Variants in THUMPD3 observed in about 807,000 individuals in gnomAD.
THUMPD3 encodes THUMP domain 3 tRNA guanosine methyltransferase, also known as tRNA (guanine(6)-N(2))-methyltransferase THUMP3.
In THUMPD3, 44 loss-of-function variants were observed where a neutral mutation model predicts 54.5. The ratio of observed to expected loss-of-function variants is 0.81; its 90% CI spans 0.63 to 1.04. The LOEUF is 1.04. Among genes scored for constraint, THUMPD3 ranks in the 50% least tolerant of loss-of-function variants. The pLI is 0.00. For synonymous variants in THUMPD3, 196 were observed against 201.4 expected (o/e 0.97, Z 0.23); for missense variants, 604 against 601.3 (o/e 1.00, Z -0.05).
chr3:9,371,420 T>TG lies in THUMPD3; in HGVS notation c.692dup (p.Cys231TrpfsTer14). 1 of 1,614,168 alleles carries TG rather than the reference T, an allele frequency of 6.2e-7. No individual in the cohort carries two copies. The highest frequency in any genetic ancestry group is 8.5e-7 in the Non-Finnish European group (1 of 1,180,002). ...TCAAGTGCTGAAGTTTAGAGTCACATGCAACAGGGCAGGAGAGAAACATTG... is the reference window on the plus strand; with the variant it reads ...TCAAGTGCTGAAGTTTAGAGTCACATGGCAACAGGGCAGGAGAGAAACATTG... On this transcript the variant is annotated frameshift_variant, in exon 4 of 10. Transcript: ENST00000452837. LOFTEE classifies it high-confidence loss of function.
At chr3:9,365,782 G>A (rs2031513493) in intron 2 of THUMPD3, among the ~76,000 whole-genome samples, 1 of 152,022 alleles carries the variant, frequency 6.6e-6, no homozygotes, top group Non-Finnish European at 1.5e-5. Context: ...AGTAGAAACG[G>A]GGTTTCACCA....
In THUMPD3 at chr3:9,367,448, T is replaced by C. The variant is rs114723180; in HGVS notation, c.330+463T>C. Among the ~76,000 whole-genome samples the C allele has an allele frequency of 5.7e-3, 861 of 152,346 alleles. 7 individuals are homozygous for C. Among genetic ancestry groups the C allele is most frequent in the Non-Finnish European group, 9.3e-3 (636 of 68,028 alleles). ...TCCTTCAGTTGTTAGGACAACAGCT[T>C]TGTCTCCAATATGTATTTAGCATCT... On this transcript the variant is annotated intron_variant, in intron 3 of 9. Transcript: ENST00000452837.
intron 7 of THUMPD3, among the ~76,000 whole-genome samples, chr3:9,381,967 T>A (rs2032951780): frequency 6.6e-6 from 1 of 151,282 alleles, no homozygotes; most frequent in Non-Finnish European, 1.5e-5. Flanking sequence ...GTATTTTTAG[T>A]AGAGACGGGT....
chr3:9,375,336 A>G (rs184383393), intron 5 of THUMPD3, among the ~76,000 whole-genome samples: 38 of 152,342 alleles, frequency 2.5e-4, no homozygotes, highest in African/African-American at 7.7e-4. Context: ...ATGAACAGAA[A>G]GAGCTTTTAC....
intron 5 of THUMPD3, among the ~76,000 whole-genome samples, chr3:9,375,584 A>G (rs576203588): frequency 6.9e-4 from 105 of 152,384 alleles, no homozygotes; most frequent in Admixed American, 6.9e-3. Context: ...AGCATATGCA[A>G]AATACCTATT....
chr3:9,371,579 C>T, intron 4 of THUMPD3, 43 bp downstream of exon 4: 1 of 1,491,054 alleles, frequency 6.7e-7, no homozygotes, highest in Non-Finnish European at 9.2e-7. Flanking sequence ...AATGCTGTCA[C>T]AGATTTGTAG....
intron 5 of THUMPD3, among the ~76,000 whole-genome samples, chr3:9,375,956 T>G (rs2032428372): frequency 6.6e-6 from 1 of 152,244 alleles, no homozygotes; most frequent in South Asian, 2.1e-4. Context: ...TACACGACTG[T>G]ATTCCTTCTC....
intron 6 of THUMPD3, among the ~76,000 whole-genome samples, chr3:9,379,890 C>T (rs2032746665): frequency 1.3e-5 from 2 of 152,100 alleles, no homozygotes; most frequent in South Asian, 4.1e-4. Flanking sequence ...GGGCTTTCAC[C>T]ATGTTCCCAG....
intron 6 of THUMPD3, among the ~76,000 whole-genome samples, chr3:9,378,140 C>A (rs938175610): frequency 3.9e-5 from 6 of 152,232 alleles, no homozygotes; most frequent in Non-Finnish European, 8.8e-5. Context: ...CTGAGAATTA[C>A]AAACTGCCGA....
chr3:9,383,276 ATAT>A lies in THUMPD3; in HGVS notation c.1207_1209del (p.Ile403del). 6.2e-7 allele frequency: 1 copy of A among 1,613,850 alleles called. No individual in the cohort carries two copies. The highest frequency in any genetic ancestry group is 8.5e-7 in the Non-Finnish European group (1 of 1,179,764). The stretch of plus-strand genomic sequence containing the variant: ...CTGCCATTGAGAACTGGCTCTGTGG[ATAT>A]TATTGTAACAGATTTGCCATTTGGA... On this transcript the variant is annotated inframe_deletion, in exon 8 of 10. Transcript: ENST00000452837.
intron 3 of THUMPD3, among the ~76,000 whole-genome samples, chr3:9,368,967 T>A (rs900572424): frequency 1.2e-4 from 19 of 152,314 alleles, no homozygotes; most frequent in Middle Eastern, 3.4e-3. Flanking sequence ...GTATCCCTTA[T>A]CTGAAATACT....
At chr3:9,373,620 T>C (rs144404878) in intron 4 of THUMPD3, among the ~76,000 whole-genome samples, 2 of 152,348 alleles carry the variant, frequency 1.3e-5, no homozygotes, top group Non-Finnish European at 2.9e-5. Context: ...AGAATAGTGC[T>C]TTGCATTAGG....
At chr3:9,383,640 T>C (rs79003683) in intron 8 of THUMPD3, among the ~76,000 whole-genome samples, 1 of 152,052 alleles carries the variant, frequency 6.6e-6, no homozygotes, top group Non-Finnish European at 1.5e-5. Context: ...TTTTTTTTTT[T>C]GGAGACAGAG....
chr3:9,385,009 G>A lies in THUMPD3; in HGVS notation c.*321G>A, dbSNP rs902755446. On this transcript the variant is annotated 3_prime_UTR_variant, in exon 10 of 10. Transcript: ENST00000452837. ...ACAAAAATTAGCCAGGTGTGGTGGC[G>A]GGCGCCTGTAATCCCAACTACTCAG... The A allele has an allele frequency of 1.6e-4, 39 of 242,148 alleles. No individual in the cohort carries two copies. The highest frequency in any genetic ancestry group is 7.7e-4 in the African/African-American group (34 of 44,348). 15.0% of individuals were successfully genotyped at this position (242,148 alleles called of 1,614,324 possible).
intron 3 of THUMPD3, among the ~76,000 whole-genome samples, chr3:9,367,533 T>G (rs1189652100): frequency 6.6e-6 from 1 of 152,210 alleles, no homozygotes; most frequent in African/African-American, 2.4e-5. Flanking sequence ...GCAGCAAGGC[T>G]TTAGGTTTTT....
At chr3:9,371,815 G>A (rs1575063492) in intron 4 of THUMPD3, among the ~76,000 whole-genome samples, 1 of 152,272 alleles carries the variant, frequency 6.6e-6, no homozygotes, top group East Asian at 1.9e-4. Flanking sequence ...TAAAATATTT[G>A]GTGCAATACC....
rs1393175254 is a variant in THUMPD3, at chr3:9,385,638, C to T, written c.*950C>T. On this transcript the variant is annotated 3_prime_UTR_variant, in exon 10 of 10. Coordinates refer to ENST00000452837, the MANE Select transcript of THUMPD3 (RefSeq NM_001114092.2). ...GTATAGAACTTATTTGTAAATAGCACATACATTGATAGATGGGGTGTGGGA... is the reference window on the plus strand; with the variant it reads ...GTATAGAACTTATTTGTAAATAGCATATACATTGATAGATGGGGTGTGGGA... The T allele has an allele frequency of 2.0e-5, 3 of 152,198 alleles. No individual in the cohort carries two copies. Among genetic ancestry groups the T allele is most frequent in the Non-Finnish European group, 2.9e-5 (2 of 68,038 alleles). 9.4% of individuals were successfully genotyped at this position (152,198 alleles called of 1,614,324 possible).
intron 1 of THUMPD3, among the ~76,000 whole-genome samples, chr3:9,364,189 AAG>A (rs1275938076): frequency 6.6e-6 from 1 of 152,048 alleles, no homozygotes; most frequent in East Asian, 1.9e-4. Context: ...GACTCTAGGA[AAG>A]AGGTATTACT....
intron 7 of THUMPD3, 158 bp from the exon 8 acceptor site, chr3:9,383,041 C>T: frequency 1.9e-6 from 1 of 524,420 alleles, no homozygotes; most frequent in Non-Finnish European, 3.5e-6. Flanking sequence ...CTATTTTTTA[C>T]CTTTGTGCCA....
Sources: gnomAD v4.1 joint callset for allele counts (sites outside exome capture counted in the v4.1 genomes callset) on GRCh38, gnomAD v4.1.1 for gene constraint, MANE v1.5 for transcripts, NCBI Gene and HGNC (gene_info 2026-07-23, HGNC 2026-07-21) for gene names.